The following TYW1 variants were observed in gnomAD, a reference collection of about 807,000 sequenced individuals.
The protein encoded by TYW1 is tRNA-yW synthesizing protein 1 homolog.
TYW1 carries 46 observed loss-of-function variants against 96.2 expected under a neutral mutation model. The observed-to-expected ratio is 0.48, with a 90% CI of 0.38 to 0.61. The LOEUF is 0.61. TYW1 is among the 20% of genes least tolerant of loss of function. TYW1 has a pLI of 0.00. For synonymous variants in TYW1, 274 were observed against 323.0 expected (o/e 0.85, Z 1.63); for missense variants, 684 against 909.6 (o/e 0.75, Z 3.19).
intron 14 of TYW1, among the ~76,000 whole-genome samples, chr7:67,194,129 G>C (rs2116339432): frequency 6.6e-6 from 1 of 152,204 alleles, no homozygotes; most frequent in Middle Eastern, 3.4e-3. Context: ...GGTCTTGTAT[G>C]CCTTGGCTAT....
rs942054409 is a variant in TYW1, at chr7:67,133,630, GA to G, written c.1698+16022del. On this transcript the variant is annotated intron_variant, in intron 13 of 15. Transcript: ENST00000359626. ...TTTCCATCTCAAAAAAAAAAAAAAA[GA>G]AAAAAAAAAGTTTTGGAATTACAGG... 4.1e-4 allele frequency among the ~76,000 whole-genome samples: 50 copies of G among 122,480 alleles called. 3 individuals are homozygous for G. Among genetic ancestry groups the G allele is most frequent in the Middle Eastern group, 4.2e-3 (1 of 238 alleles). The allele number at this position is 122,480 out of a possible 152,430, so 80.4% of individuals were successfully genotyped here.
At position 67,053,457 on chromosome 7, in the gene TYW1, ACAT is replaced by A. The variant is rs1296714648; in HGVS notation, c.1103-2376_1103-2374del. On this transcript the variant is annotated intron_variant, in intron 8 of 15. Transcript: ENST00000359626. ...TGCAGTGGTGTGATCTTGGCTCACC[ACAT>A]CCTCCTCCTCCTGAGTTCAAGCGAT... 4.6e-4 allele frequency among the ~76,000 whole-genome samples: 68 copies of A among 147,136 alleles called. 2 individuals carry two copies. In the East Asian group the frequency reaches 0.012, roughly 25 times the overall value.
intron 12 of TYW1, among the ~76,000 whole-genome samples, chr7:67,116,171 C>G (rs1390501770): frequency 2.0e-5 from 3 of 151,716 alleles, no homozygotes; most frequent in African/African-American, 7.3e-5. Context: ...ACTAAAAATA[C>G]AAAAATTAGC....
chr7:67,018,322 T>G (rs1345046747), intron 6 of TYW1, among the ~76,000 whole-genome samples, 179 bp downstream of exon 6: 1 of 152,028 alleles, frequency 6.6e-6, no homozygotes, highest in Non-Finnish European at 1.5e-5. Flanking sequence ...GGGTATTGCT[T>G]GAGTCCGGGA....
At chr7:67,139,236 G>C (rs942251683) in intron 13 of TYW1, among the ~76,000 whole-genome samples, 1 of 152,140 alleles carries the variant, frequency 6.6e-6, no homozygotes, top group Non-Finnish European at 1.5e-5. Context: ...ATTTTCAGTA[G>C]AGATGGGGTT....
chr7:67,060,713 TGTTA>T (rs1451147413), intron 9 of TYW1, among the ~76,000 whole-genome samples: 4 of 152,326 alleles, frequency 2.6e-5, no homozygotes, highest in African/African-American at 9.6e-5. Context: ...TCAATTACAC[TGTTA>T]GTCTGCCAAG....
chr7:67,049,719 G>A (rs1795298670), intron 7 of TYW1, among the ~76,000 whole-genome samples: 1 of 151,844 alleles, frequency 6.6e-6, no homozygotes, highest in South Asian at 2.1e-4. Context: ...GCTAATTTTT[G>A]TGTTTTTAGT....
chr7:67,111,255 G>A (rs1298057427), intron 12 of TYW1, among the ~76,000 whole-genome samples: 2 of 151,832 alleles, frequency 1.3e-5, no homozygotes, highest in Admixed American at 6.6e-5. Context: ...CCAGGCTAGA[G>A]TGCAGTGGCA....
intron 9 of TYW1, among the ~76,000 whole-genome samples, chr7:67,062,547 A>G (rs1343576574): frequency 7.3e-6 from 1 of 136,058 alleles, no homozygotes; most frequent in Admixed American, 7.7e-5. Context: ...AGCCTGGGTG[A>G]CAGAGCGAGA....
rs56028322 is a variant in TYW1 at position 67,227,560 on chromosome 7, A to C, written c.1978-10748A>C. ...GCGTGAGCCACCAAACCCGGCCCCC[A>C]CACCAGATATTCTCTGCCAACCAAA... is the stretch of plus-strand genomic sequence containing the variant. On this transcript the variant is annotated intron_variant, in intron 15 of 15. Transcript: ENST00000359626. 5.5e-3 allele frequency among the ~76,000 whole-genome samples: 836 copies of C among 152,156 alleles called. 6 individuals carry two copies. The highest frequency in any genetic ancestry group is 0.019 in the African/African-American group (802 of 41,472).
chr7:67,067,217 A>G (rs193023675), intron 9 of TYW1, 68 bp from the exon 10 acceptor site: 3 of 1,486,234 alleles, frequency 2.0e-6, no homozygotes, highest in African/African-American at 1.4e-5. Flanking sequence ...CTTAAAAATG[A>G]TGCCTTGGTG....
intron 13 of TYW1, among the ~76,000 whole-genome samples, chr7:67,162,921 T>C (rs995326825): frequency 1.3e-5 from 2 of 152,226 alleles, no homozygotes; most frequent in African/African-American, 4.8e-5. Context: ...ATGGAAAGTA[T>C]ATAGAGTAGC....
Position 67,013,353 on chromosome 7 carries a change from T to C in TYW1, c.376-1014T>C, listed in dbSNP as rs578084931. Among the ~76,000 whole-genome samples the C allele has an allele frequency of 2.6e-3, 389 of 151,072 alleles. 1 individual carries two copies. The highest frequency in any genetic ancestry group is 3.5e-3 in the Non-Finnish European group (233 of 67,532). On this transcript the variant is annotated intron_variant, in intron 4 of 15. Transcript: ENST00000359626. ...GCTTAGGCTGGTCTTGAACTCCTGATCTCAAGTGATCCACCCGCCTCAACC... is the reference window on the plus strand; with the variant it reads ...GCTTAGGCTGGTCTTGAACTCCTGACCTCAAGTGATCCACCCGCCTCAACC...
At position 67,239,275 on chromosome 7, in the gene TYW1, A is replaced by G. The variant is rs1801988199; in HGVS notation, c.*746A>G. ...CTCACAAACACACTTTGGACTGAAGAGGATCATTTCTTTTTGTTCGTGAGG... is the reference window on the plus strand; with the variant it reads ...CTCACAAACACACTTTGGACTGAAGGGGATCATTTCTTTTTGTTCGTGAGG... On this transcript the variant is annotated 3_prime_UTR_variant, in exon 16 of 16. Coordinates refer to ENST00000359626, the MANE Select transcript of TYW1 (RefSeq NM_018264.4). 2.0e-6 allele frequency: 2 copies of G among 985,434 alleles called. No individual in the cohort carries two copies. The highest frequency in any genetic ancestry group is 2.4e-6 in the Non-Finnish European group (2 of 829,952). 61.0% of individuals were successfully genotyped at this position (985,434 alleles called of 1,614,324 possible).
chr7:67,238,233 A>G, intron 15 of TYW1, 75 bp from the exon 16 acceptor site: 3 of 1,579,810 alleles, frequency 1.9e-6, no homozygotes, highest in Non-Finnish European at 2.6e-6. Context: ...AGACTTGTTC[A>G]TGATTTTAAA....
chr7:67,171,494 C>T (rs1799512420), intron 13 of TYW1, among the ~76,000 whole-genome samples: 1 of 152,056 alleles, frequency 6.6e-6, no homozygotes, highest in Non-Finnish European at 1.5e-5. Context: ...GTGTTCTGTG[C>T]TTTTACTCCT....
intron 14 of TYW1, among the ~76,000 whole-genome samples, chr7:67,187,277 T>G (rs1230959328): frequency 6.6e-6 from 1 of 152,164 alleles, no homozygotes; most frequent in Non-Finnish European, 1.5e-5. Flanking sequence ...TTGCCCAGGC[T>G]GGTCTTGAAC....
intron 15 of TYW1, among the ~76,000 whole-genome samples, chr7:67,231,658 C>T (rs1801751916): frequency 6.6e-6 from 1 of 152,050 alleles, no homozygotes; most frequent in African/African-American, 2.4e-5. Flanking sequence ...ATTCAGATTC[C>T]TAATCCTCTG....
At chr7:67,027,043 A>T (rs6948594) in intron 7 of TYW1, among the ~76,000 whole-genome samples, 26,473 of 151,786 alleles carry the variant, frequency 0.17, 2,688 homozygotes, top group African/African-American at 0.27. Context: ...TACAAGAAAT[A>T]AAAAAAATTA....
Sources: gnomAD v4.1 joint callset for allele counts (sites outside exome capture counted in the v4.1 genomes callset) on GRCh38, gnomAD v4.1.1 for gene constraint, MANE v1.5 for transcripts, NCBI Gene and HGNC (gene_info 2026-07-23, HGNC 2026-07-21) for gene names.